CNTNAP2: variants seen among roughly 807,000 people sequenced by gnomAD.
CNTNAP2 encodes the protein contactin associated protein 2.
Under a neutral mutation model 155.2 loss-of-function variants are expected in CNTNAP2, and 98 were observed. The observed-to-expected ratio is 0.63, with a 90% CI of 0.54 to 0.75. The LOEUF is 0.75. Among genes scored for constraint, CNTNAP2 ranks in the 30% least tolerant of loss-of-function variants. The pLI is 0.00. For synonymous variants in CNTNAP2, 651 were observed against 631.2 expected (o/e 1.03, Z -0.47); for missense variants, 1,727 against 1,688.1 (o/e 1.02, Z -0.40).
chr7:147,919,938 A>G (rs984939681), intron 14 of CNTNAP2, among the ~76,000 whole-genome samples: 3 of 152,088 alleles, frequency 2.0e-5, no homozygotes, highest in African/African-American at 7.2e-5. Context: ...CTAGGCAGCA[A>G]TAAAAAATTA....
intron 3 of CNTNAP2, among the ~76,000 whole-genome samples, chr7:146,894,170 T>C (rs994825975): frequency 1.3e-5 from 2 of 152,184 alleles, no homozygotes; most frequent in Admixed American, 1.3e-4. Context: ...TCCAAATACT[T>C]ATACTGTTTA....
chr7:147,978,744 C>T lies in CNTNAP2; in HGVS notation c.2383+755C>T, dbSNP rs539297333. Among the ~76,000 whole-genome samples, 3 of 152,262 alleles carry T rather than the reference C, an allele frequency of 2.0e-5. No individual in the cohort carries two copies. The East Asian group carries it at 5.8e-4, about 29-fold the overall frequency. ...CTGGGCATCGTTTTCTCTCTTCTTT[C>T]TGGGACACGTGGTTTAGGCAACTCT... On this transcript the variant is annotated intron_variant, in intron 15 of 23. Coordinates refer to ENST00000361727, the MANE Select transcript of CNTNAP2 (RefSeq NM_014141.6).
intron 3 of CNTNAP2, among the ~76,000 whole-genome samples, chr7:146,983,131 T>C (rs978071043): frequency 1.3e-5 from 2 of 152,238 alleles, no homozygotes; most frequent in African/African-American, 4.8e-5. Flanking sequence ...CAACCATCTA[T>C]GCCAACCTTC....
chr7:146,721,101 C>G (rs1457123713), intron 1 of CNTNAP2, among the ~76,000 whole-genome samples: 21 of 127,080 alleles, frequency 1.7e-4, no homozygotes, highest in African/African-American at 6.1e-4. Context: ...TATATATATT[C>G]TCTATATATA....
At chr7:146,207,370 T>C (rs1458641016) in intron 1 of CNTNAP2, among the ~76,000 whole-genome samples, 1 of 152,012 alleles carries the variant, frequency 6.6e-6, no homozygotes, top group African/African-American at 2.4e-5. Context: ...TTAATGGGGA[T>C]TAAAATGCTT....
At position 147,600,995 on chromosome 7, in the gene CNTNAP2, G is replaced by A. The variant is rs561395608; in HGVS notation, c.1898-38111G>A. Among the ~76,000 whole-genome samples, 25 of 152,254 alleles carry A rather than the reference G, an allele frequency of 1.6e-4. No homozygotes were observed. In the South Asian group the frequency reaches 5.2e-3, roughly 32 times the overall value. Reference sequence around the variant, plus strand: ...TAAGTATGAATTGTAATAATCCCCTGAACATTATTAGAAATGTAGATTTTT... The same window carrying A: ...TAAGTATGAATTGTAATAATCCCCTAAACATTATTAGAAATGTAGATTTTT... On this transcript the variant is annotated intron_variant, in intron 12 of 23. Coordinates refer to ENST00000361727, the MANE Select transcript of CNTNAP2 (RefSeq NM_014141.6).
chr7:146,982,173 G>A (rs957065701), intron 3 of CNTNAP2, among the ~76,000 whole-genome samples: 1 of 152,036 alleles, frequency 6.6e-6, no homozygotes, highest in Admixed American at 6.6e-5. Context: ...CTGGTATATA[G>A]AGCCATTAAC....
intron 1 of CNTNAP2, among the ~76,000 whole-genome samples, chr7:146,373,002 A>G (rs749470741): frequency 5.3e-5 from 8 of 152,200 alleles, no homozygotes; most frequent in Non-Finnish European, 1.2e-4. Context: ...GGAGAAAGGC[A>G]TGTGATAATA....
At chr7:148,368,473 T>G (rs1798824342) in intron 21 of CNTNAP2, among the ~76,000 whole-genome samples, 1 of 152,178 alleles carries the variant, frequency 6.6e-6, no homozygotes, top group African/African-American at 2.4e-5. Flanking sequence ...TTCCTGGTTT[T>G]ATGCACTGGC....
At chr7:146,322,936 A>G (rs1357461421) in intron 1 of CNTNAP2, among the ~76,000 whole-genome samples, 1 of 151,998 alleles carries the variant, frequency 6.6e-6, no homozygotes, top group Non-Finnish European at 1.5e-5. Context: ...AATGAAAATG[A>G]GTCATTTTCT....
rs576453979 is a variant in CNTNAP2 at position 147,865,075 on chromosome 7, G to T, written c.2099-38490G>T. Among the ~76,000 whole-genome samples the T allele has an allele frequency of 1.7e-4, 26 of 152,234 alleles. No homozygotes were observed. In the East Asian group the frequency reaches 3.3e-3, roughly 19 times the overall value. On this transcript the variant is annotated intron_variant, in intron 13 of 23. Coordinates refer to ENST00000361727, the MANE Select transcript of CNTNAP2 (RefSeq NM_014141.6). ...ATTGGCTGTGGGTTTGTCATAAATA[G>T]CTCTTATTATTTTGAGATACGTTCC...
intron 15 of CNTNAP2, among the ~76,000 whole-genome samples, chr7:148,021,012 G>A (rs1183893127): frequency 6.6e-6 from 1 of 152,180 alleles, no homozygotes; most frequent in East Asian, 1.9e-4. Context: ...TCCACCTTGT[G>A]CCCACGTTAA....
intron 1 of CNTNAP2, among the ~76,000 whole-genome samples, chr7:146,396,539 A>AT (rs1247746683): frequency 6.6e-6 from 1 of 151,632 alleles, no homozygotes; most frequent in African/African-American, 2.4e-5. Context: ...AAAAATGAAC[A>AT]TTTTTTTCTG....
At chr7:147,697,263 T>C (rs1047767865) in intron 13 of CNTNAP2, among the ~76,000 whole-genome samples, 2 of 152,328 alleles carry the variant, frequency 1.3e-5, no homozygotes, top group East Asian at 3.9e-4. Flanking sequence ...CTGACATTGT[T>C]TATTCGCTCT....
intron 21 of CNTNAP2, among the ~76,000 whole-genome samples, chr7:148,304,893 A>G (rs1193340295): frequency 6.6e-6 from 1 of 151,968 alleles, no homozygotes; most frequent in Non-Finnish European, 1.5e-5. Flanking sequence ...TTACATCATC[A>G]TGCTTTTCAT....
intron 1 of CNTNAP2, among the ~76,000 whole-genome samples, chr7:146,260,628 G>A (rs140731844): frequency 1.3e-4 from 20 of 152,320 alleles, no homozygotes; most frequent in African/African-American, 4.1e-4. Context: ...AATGGGGCCT[G>A]TAGCCCCTTT....
chr7:148,262,646 C>G (rs1436960578), intron 20 of CNTNAP2, among the ~76,000 whole-genome samples: 2 of 152,098 alleles, frequency 1.3e-5, no homozygotes, highest in South Asian at 4.1e-4. Context: ...TATAAAGACC[C>G]TGGTGGGGAC....
chr7:148,045,694 C>T (rs1026367940), intron 15 of CNTNAP2, among the ~76,000 whole-genome samples: 7 of 152,198 alleles, frequency 4.6e-5, no homozygotes, highest in African/African-American at 1.4e-4. Context: ...TACTGAGCGT[C>T]TAGCTTATTT....
intron 9 of CNTNAP2, among the ~76,000 whole-genome samples, chr7:147,347,500 ATG>A (rs1407391848): frequency 6.6e-5 from 8 of 121,246 alleles, no homozygotes; most frequent in African/African-American, 1.1e-4. Context: ...ATGCATATAT[ATG>A]TGTGTGTGTG....
Sources: allele counts gnomAD v4.1 joint callset (sites outside exome capture counted in the v4.1 genomes callset), GRCh38; gene constraint gnomAD v4.1.1; transcripts MANE v1.5; gene names NCBI Gene and HGNC (gene_info 2026-07-23, HGNC 2026-07-21).